Variants in ZNF699 observed in about 807,000 individuals in gnomAD.
ZNF699 encodes hangover homolog.
ZNF699 carries 18 observed loss-of-function variants against 22.5 expected under a neutral mutation model. The observed-to-expected ratio is 0.80, with a 90% CI of 0.55 to 1.19. The LOEUF is 1.19. Ranked by LOEUF, ZNF699 falls within the 50% of genes most tolerant of loss-of-function variation. ZNF699 has a pLI of 0.00. For synonymous variants in ZNF699, 241 were observed against 262.3 expected (o/e 0.92, Z 0.78); for missense variants, 670 against 763.4 (o/e 0.88, Z 1.44).
chr19:9,292,741 T>C lies in ZNF699; in HGVS notation c.*2734A>G, dbSNP rs2066269557. Among the ~76,000 whole-genome samples, 1 of 152,076 alleles carries C rather than the reference T, an allele frequency of 6.6e-6. No homozygotes were observed. The highest frequency in any genetic ancestry group is 2.1e-4 in the South Asian group (1 of 4,822). On this transcript the variant is annotated 3_prime_UTR_variant, in exon 6 of 6. Coordinates refer to ENST00000591998, the MANE Select transcript of ZNF699 (RefSeq NM_198535.3). ...TATATGTAATATATGATACATGGTT[T>C]ATACATATCTATGCATGTGTACCTA...
At chr19:9,302,090 C>T (rs751057333) in intron 3 of ZNF699, among the ~76,000 whole-genome samples, 28 of 151,854 alleles carry the variant, frequency 1.8e-4, no homozygotes, top group African/African-American at 3.6e-4. Context: ...TTAGTAGAGA[C>T]GGGGTTTCTC....
rs914738924 is a variant in ZNF699, at chr19:9,297,576, G to A, written c.287-97C>T. The A allele has an allele frequency of 6.8e-6, 6 of 887,986 alleles. No homozygotes were observed. Among genetic ancestry groups the A allele is most frequent in the Non-Finnish European group, 1.0e-5 (6 of 587,720 alleles). The allele number at this position is 887,986 out of a possible 1,614,324, so 55.0% of individuals were successfully genotyped here. Reference sequence around the variant, plus strand: ...TATTAATAGGCACAAGGGTCAAAATGGTAAGCAATTAACTAAGAAATAATT... The same window carrying A: ...TATTAATAGGCACAAGGGTCAAAATAGTAAGCAATTAACTAAGAAATAATT... On this transcript the variant is annotated intron_variant, in intron 4 of 5. Transcript: ENST00000591998. This position sits in a 1 kb window ranked among gnomAD's most constrained non-coding sequence, Gnocchi z 4.3.
chr19:9,303,313 TA>T (rs2066314835), intron 2 of ZNF699, among the ~76,000 whole-genome samples: 1 of 152,134 alleles, frequency 6.6e-6, no homozygotes, highest in Non-Finnish European at 1.5e-5. Flanking sequence ...AATCCCAAGT[TA>T]AAAGGCTGTC....
intron 2 of ZNF699, 149 bp downstream of exon 2, chr19:9,304,923 A>G (rs1474250705): frequency 5.2e-6 from 2 of 384,348 alleles, no homozygotes; most frequent in South Asian, 4.2e-5. Flanking sequence ...CTCTGTCTCA[A>G]AAAAAAAAAA....
At position 9,292,538 on chromosome 19, in the gene ZNF699, C is replaced by A. The variant is rs532773239; in HGVS notation, c.*2937G>T. Among the ~76,000 whole-genome samples, 2 of 152,152 alleles carry A rather than the reference C, an allele frequency of 1.3e-5. No homozygotes were observed. The highest frequency in any genetic ancestry group is 6.5e-5 in the Admixed American group (1 of 15,268). On this transcript the variant is annotated 3_prime_UTR_variant, in exon 6 of 6. Transcript: ENST00000591998. ...GCCAAGACAGGGAGACAGAATTCAACTAGATAACATTTTTTTAGCCCCAGG... is the reference window on the plus strand; with the variant it reads ...GCCAAGACAGGGAGACAGAATTCAAATAGATAACATTTTTTTAGCCCCAGG...
At position 9,295,737 on chromosome 19, in the gene ZNF699, T is replaced by C; in HGVS notation, c.1667A>G (p.Glu556Gly). The C allele has an allele frequency of 1.2e-6, 2 of 1,614,116 alleles. No individual in the cohort carries two copies. The highest frequency in any genetic ancestry group is 2.2e-5 in the East Asian group (1 of 44,874). ...ACATTCCTTACATTCATAGGGTTTTTCCCCAGTGTGCGTTCTCATGTGGAT... is the reference window on the plus strand; with the variant it reads ...ACATTCCTTACATTCATAGGGTTTTCCCCCAGTGTGCGTTCTCATGTGGAT... Reference protein sequence around the residue: ...LRIHMRTHTGEKPYECKECGK... With the variant: ...LRIHMRTHTGGKPYECKECGK... Residue 556 changes from glutamate (E) to glycine (G), a missense_variant, in exon 6 of 6, where the codon GAA becomes GGA. Transcript: ENST00000591998.
At chr19:9,298,091 T>G in intron 3 of ZNF699, 101 bp from the exon 4 acceptor site, 2 of 687,958 alleles carry the variant, frequency 2.9e-6, no homozygotes, top group Non-Finnish European at 5.0e-6. Context: ...ATTCCAAAAA[T>G]GGACAACTGT....
At chr19:9,307,433 T>TTAAG (rs1599255416) in intron 1 of ZNF699, among the ~76,000 whole-genome samples, 4 of 152,164 alleles carry the variant, frequency 2.6e-5, no homozygotes, top group Admixed American at 6.5e-5. Context: ...GGGTAAGACA[T>TTAAG]TAAACAAAAT....
At position 9,294,022 on chromosome 19, in the gene ZNF699, T is replaced by G. The variant is rs954301683; in HGVS notation, c.*1453A>C. ...AACAGGATGATACCCTGTGGATGCT[T>G]ACCTCAATTACCAAGGGTAACTTCC... On this transcript the variant is annotated 3_prime_UTR_variant, in exon 6 of 6. Transcript: ENST00000591998. Among the ~76,000 whole-genome samples, 1 of 152,176 alleles carries G rather than the reference T, an allele frequency of 6.6e-6. No individual in the cohort carries two copies. The highest frequency in any genetic ancestry group is 1.5e-5 in the Non-Finnish European group (1 of 68,024).
intron 2 of ZNF699, among the ~76,000 whole-genome samples, chr19:9,304,622 T>G (rs73504754): frequency 0.017 from 2,557 of 152,282 alleles, 70 homozygotes; most frequent in African/African-American, 0.058. Context: ...CAGAGCTGAA[T>G]TGCAATAGAA....
intron 1 of ZNF699, among the ~76,000 whole-genome samples, chr19:9,307,306 C>T (rs1019586336): frequency 3.1e-4 from 47 of 152,280 alleles, no homozygotes; most frequent in South Asian, 1.7e-3. Context: ...TTACCTCCTT[C>T]GTTTCATGTT....
In ZNF699 at chr19:9,295,559, A is replaced by G. The variant is rs1454653844; in HGVS notation, c.1845T>C (p.Tyr615=). Residue 615 remains tyrosine (Y), a synonymous_variant, in exon 6 of 6, where the codon TAT becomes TAC. Coordinates refer to ENST00000591998, the MANE Select transcript of ZNF699 (RefSeq NM_198535.3). The part of the protein sequence containing the change: ...HVRSHTGEKP[Y]ECKECGKAFV... Reference sequence around the variant, plus strand: ...AGGCTTTCCCACATTCCTTACATTCATAGGGTTTCTCTCCAGTGTGGCTTC... The same window carrying G: ...AGGCTTTCCCACATTCCTTACATTCGTAGGGTTTCTCTCCAGTGTGGCTTC... The G allele has an allele frequency of 1.2e-6, 2 of 1,614,172 alleles. No homozygotes were observed. Among genetic ancestry groups the G allele is most frequent in the South Asian group, 1.1e-5 (1 of 91,086 alleles).
chr19:9,291,641 A>C lies in ZNF699; in HGVS notation c.*3834T>G, dbSNP rs1479411515. 1 of 152,180 alleles carries C rather than the reference A, an allele frequency of 6.6e-6. No homozygotes were observed. The highest frequency in any genetic ancestry group is 1.5e-5 in the Non-Finnish European group (1 of 68,028). 9.4% of individuals were successfully genotyped at this position (152,180 alleles called of 1,614,324 possible). ...TAGATTCATTATCTTGGTCCAGGCA[A>C]ATAATTCTTAAACAGGTGTCAGATC... On this transcript the variant is annotated 3_prime_UTR_variant, in exon 6 of 6. Coordinates refer to ENST00000591998, the MANE Select transcript of ZNF699 (RefSeq NM_198535.3).
At chr19:9,299,328 G>T (rs1467538594) in intron 3 of ZNF699, among the ~76,000 whole-genome samples, 3 of 152,164 alleles carry the variant, frequency 2.0e-5, no homozygotes, top group African/African-American at 7.2e-5. Context: ...TAGAGACGGG[G>T]TTACACCGTG....
At chr19:9,300,222 A>G (rs2066302239) in intron 3 of ZNF699, among the ~76,000 whole-genome samples, 1 of 152,146 alleles carries the variant, frequency 6.6e-6, no homozygotes, top group East Asian at 1.9e-4. Flanking sequence ...CTGGGACTAC[A>G]GGTGCCCGCC....
At position 9,295,868 on chromosome 19, in the gene ZNF699, A is replaced by G. The variant is rs1465984575; in HGVS notation, c.1536T>C (p.Phe512=). Residue 512 remains phenylalanine (F), a synonymous_variant, in exon 6 of 6, where the codon TTT becomes TTC. Transcript: ENST00000591998. ...PYECKECGKA[F]ISSSHLTVHI... is the part of the protein sequence containing the mutation. The stretch of plus-strand genomic sequence containing the variant: ...GTACTGTAAGGTGGGAGGAACTAAT[A>G]AAGGCTTTCCCACATTCTTTACATT... 1 of 1,613,770 alleles carries G rather than the reference A, an allele frequency of 6.2e-7. No homozygotes were observed. The highest frequency in any genetic ancestry group is 8.5e-7 in the Non-Finnish European group (1 of 1,179,974).
chr19:9,307,889 G>A (rs1331763673), intron 1 of ZNF699, among the ~76,000 whole-genome samples: 1 of 151,150 alleles, frequency 6.6e-6, no homozygotes, highest in Non-Finnish European at 1.5e-5. Flanking sequence ...AGAGGTTGCA[G>A]TGAGCCAAGA....
chr19:9,303,849 G>A (rs1021818701), intron 2 of ZNF699, among the ~76,000 whole-genome samples: 83 of 149,910 alleles, frequency 5.5e-4, no homozygotes, highest in African/African-American at 1.8e-3. Flanking sequence ...ATGGGGTCTC[G>A]CTCTGTCGCC....
Position 9,296,343 on chromosome 19 carries a change from ATATG to A in ZNF699, c.1057_1060del (p.His353Ter), listed in dbSNP as rs1568344832. The A allele has an allele frequency of 6.2e-7, 1 of 1,613,396 alleles. No homozygotes were observed. Among genetic ancestry groups the A allele is most frequent in the Non-Finnish European group, 8.5e-7 (1 of 1,179,830 alleles). On this transcript the variant is annotated frameshift_variant, in exon 6 of 6. Coordinates refer to ENST00000591998, the MANE Select transcript of ZNF699 (RefSeq NM_198535.3). LOFTEE classifies it low-confidence loss of function (END_TRUNC). ...AGGCTTCTCTCCAGTGTGAATTCTT[ATATG>A]TATTATAAGGTGAGAGGAAGAGCTA...
Sources: allele counts gnomAD v4.1 joint callset (sites outside exome capture counted in the v4.1 genomes callset), GRCh38; gene constraint gnomAD v4.1.1; non-coding constraint Gnocchi (gnomAD v3.1); transcripts MANE v1.5; gene names NCBI Gene and HGNC (gene_info 2026-07-23, HGNC 2026-07-21).